The following SH3RF2 variants were observed in gnomAD, a reference collection of about 807,000 sequenced individuals.
SH3RF2 encodes the protein SH3 domain containing ring finger 2.
Under a neutral mutation model 59.0 loss-of-function variants are expected in SH3RF2, and 43 were observed. The observed-to-expected ratio is 0.73, with a 90% CI of 0.57 to 0.94. The LOEUF (loss-of-function observed/expected upper bound fraction) is 0.94. Ranked by LOEUF, SH3RF2 falls within the 40% of genes least tolerant of loss-of-function variation. The pLI is 0.00. For missense variants in SH3RF2, 930 were observed against 940.1 expected (o/e 0.99, Z 0.14); for synonymous variants, 391 against 391.5 (o/e 1.00, Z 0.01).
intron 2 of SH3RF2, among the ~76,000 whole-genome samples, chr5:145,948,913 G>T (rs1758092050): frequency 6.6e-6 from 1 of 152,194 alleles, no homozygotes; most frequent in Admixed American, 6.5e-5. Context: ...GTCCTCCTTT[G>T]TACCTAACAC....
intron 2 of SH3RF2, among the ~76,000 whole-genome samples, chr5:145,963,872 G>A (rs1184084065): frequency 2.1e-5 from 3 of 142,024 alleles, no homozygotes; most frequent in Non-Finnish European, 3.0e-5. Context: ...TCGCTCTGTC[G>A]CCCAGGCTGG....
intron 2 of SH3RF2, among the ~76,000 whole-genome samples, chr5:145,939,454 C>T (rs1757726435): frequency 6.6e-6 from 1 of 152,198 alleles, no homozygotes; most frequent in Admixed American, 6.5e-5. Flanking sequence ...AATTTTCCTT[C>T]TAAGAGCTAC....
At chr5:145,972,098 A>G (rs1375646383) in intron 2 of SH3RF2, among the ~76,000 whole-genome samples, 2 of 152,200 alleles carry the variant, frequency 1.3e-5, no homozygotes, top group East Asian at 3.8e-4. Context: ...TTCAAAAAAT[A>G]TGCTTCTTGG....
In SH3RF2 at chr5:146,000,331, G is replaced by A; in HGVS notation, c.648+4G>A. The A allele has an allele frequency of 1.2e-6, 2 of 1,611,302 alleles. No individual in the cohort carries two copies. The highest frequency in any genetic ancestry group is 1.7e-6 in the Non-Finnish European group (2 of 1,179,108). On this transcript the variant is annotated splice_donor_region_variant and intron_variant, in intron 3 of 9. Transcript: ENST00000359120. ...GGATTGCCTGACCTTCCTCAAGGTA[G>A]GATTCTGGGTGGCCACCAGAGTCAC...
At position 145,969,072 on chromosome 5, in the gene SH3RF2, G is replaced by T. The variant is rs147432030; in HGVS notation, c.378+30766G>T. The stretch of plus-strand genomic sequence containing the variant: ...CAGGTCCCACCAGATAATTCACTCA[G>T]GCTAGAACTTACTTGCTATCAGGGA... On this transcript the variant is annotated intron_variant, in intron 2 of 9. Transcript: ENST00000359120. Among the ~76,000 whole-genome samples, 499 of 152,120 alleles carry T rather than the reference G, an allele frequency of 3.3e-3. 4 individuals are homozygous for T. The highest frequency in any genetic ancestry group is 0.012 in the African/African-American group (492 of 41,484).
chr5:146,021,988 A>C (rs911028521), intron 5 of SH3RF2, among the ~76,000 whole-genome samples: 2 of 152,238 alleles, frequency 1.3e-5, no homozygotes, highest in African/African-American at 4.8e-5. Context: ...ACTTTTTAGC[A>C]GTCAAAATGT....
chr5:146,037,815 C>G (rs1761992242), intron 5 of SH3RF2, among the ~76,000 whole-genome samples: 1 of 152,004 alleles, frequency 6.6e-6, no homozygotes, highest in Non-Finnish European at 1.5e-5. Context: ...GAAAACTTTC[C>G]CCGACTCACT....
intron 9 of SH3RF2, among the ~76,000 whole-genome samples, chr5:146,075,573 G>T (rs924586437): frequency 6.6e-6 from 1 of 152,032 alleles, no homozygotes; most frequent in African/African-American, 2.4e-5. Flanking sequence ...CACTTTGGGA[G>T]GCCAAGGCGG....
chr5:146,033,451 C>A (rs940655308), intron 5 of SH3RF2, among the ~76,000 whole-genome samples: 4 of 71,856 alleles, frequency 5.6e-5, no homozygotes, highest in Non-Finnish European at 9.6e-5. Context: ...TAGCCCTTAG[C>A]TTTTTTTTTT....
chr5:145,954,288 T>C (rs909605561), intron 2 of SH3RF2, among the ~76,000 whole-genome samples: 1 of 152,254 alleles, frequency 6.6e-6, no homozygotes, highest in Non-Finnish European at 1.5e-5. Flanking sequence ...TGGTTTTGAT[T>C]TGCATTTCTC....
intron 5 of SH3RF2, among the ~76,000 whole-genome samples, chr5:146,028,209 C>CACACACACACACACAG (rs1491332228): frequency 9.3e-5 from 12 of 128,938 alleles, no homozygotes; most frequent in African/African-American, 3.4e-4. Flanking sequence ...CACACACACA[C>CACACACACACACACAG]AGAGATAATT....
intron 7 of SH3RF2, among the ~76,000 whole-genome samples, chr5:146,053,115 A>C (rs1439041269): frequency 1.3e-5 from 2 of 152,188 alleles, no homozygotes; most frequent in African/African-American, 4.8e-5. Flanking sequence ...TAGAGATTAT[A>C]ATTGACTAGA....
chr5:146,062,884 C>A lies in SH3RF2; in HGVS notation c.*183C>A. On this transcript the variant is annotated 3_prime_UTR_variant, in exon 10 of 10. Transcript: ENST00000359120. ...CTGCCCTGGGTGGGAGGATAGATGG[C>A]GTGGCCTTCCAAACATACAAACATA... The A allele has an allele frequency of 1.4e-6, 1 of 732,356 alleles. No homozygotes were observed. The highest frequency in any genetic ancestry group is 2.2e-6 in the Non-Finnish European group (1 of 460,736). 45.4% of individuals were successfully genotyped at this position (732,356 alleles called of 1,614,324 possible). A position where few individuals can be genotyped will look rare whatever the true frequency, so the allele number is the denominator to read the frequency against.
chr5:145,961,924 A>C (rs780073094), intron 2 of SH3RF2, among the ~76,000 whole-genome samples: 12 of 152,206 alleles, frequency 7.9e-5, no homozygotes, highest in Non-Finnish European at 1.8e-4. Context: ...ATGGGCTCAC[A>C]GTCACCTGGA....
intron 2 of SH3RF2, among the ~76,000 whole-genome samples, chr5:145,960,571 A>G (rs1186583561): frequency 1.3e-5 from 2 of 152,178 alleles, no homozygotes; most frequent in Non-Finnish European, 2.9e-5. Context: ...AGATGGAACT[A>G]AAGTGCTGTG....
intron 9 of SH3RF2, among the ~76,000 whole-genome samples, 166 bp from the exon 10 acceptor site, chr5:146,062,260 C>T (rs960774367): frequency 2.6e-5 from 4 of 152,200 alleles, no homozygotes; most frequent in African/African-American, 9.7e-5. Context: ...TGCTCCTCTG[C>T]ATTCTCAGCA....
intron 2 of SH3RF2, among the ~76,000 whole-genome samples, chr5:145,959,938 A>C (rs1758567870): frequency 6.6e-6 from 1 of 152,168 alleles, no homozygotes; most frequent in Admixed American, 6.5e-5. Context: ...TCAAAATTCA[A>C]GTCAGGTACA....
chr5:145,936,880 T>G (rs1757609134), intron 1 of SH3RF2, 186 bp downstream of exon 1: 1 of 152,246 alleles, frequency 6.6e-6, no homozygotes, highest in Non-Finnish European at 1.5e-5. Flanking sequence ...CTGGCACTTG[T>G]GAGGGACAGC....
chr5:145,973,981 G>A (rs1327234208), intron 2 of SH3RF2, among the ~76,000 whole-genome samples: 2 of 152,220 alleles, frequency 1.3e-5, no homozygotes, highest in Non-Finnish European at 2.9e-5. Flanking sequence ...CTGTGGGTCA[G>A]GAGTCTGACA....
Sources: gnomAD v4.1 joint callset for allele counts (sites outside exome capture counted in the v4.1 genomes callset) on GRCh38, gnomAD v4.1.1 for gene constraint, MANE v1.5 for transcripts, NCBI Gene and HGNC (gene_info 2026-07-23, HGNC 2026-07-21) for gene names.